The following ADGRV1 variants were observed in gnomAD, a reference collection of about 807,000 sequenced individuals.
ADGRV1 encodes the protein adhesion G protein-coupled receptor V1.
Under a neutral mutation model 596.2 loss-of-function variants are expected in ADGRV1, and 359 were observed. That is an observed-to-expected ratio of 0.60 (90% CI 0.55 to 0.66). The LOEUF is 0.66. ADGRV1 is among the 30% of genes least tolerant of loss of function. The pLI, the probability that ADGRV1 is intolerant of heterozygous loss-of-function variation, is 0.00. For missense variants in ADGRV1, 7,274 were observed against 7,575.6 expected (o/e 0.96, Z 1.48); for synonymous variants, 2,681 against 2,679.2 (o/e 1.00, Z -0.02).
chr5:90,765,234 G>A (rs1756973713), intron 59 of ADGRV1, among the ~76,000 whole-genome samples: 1 of 152,170 alleles, frequency 6.6e-6, no homozygotes, highest in Admixed American at 6.5e-5. Flanking sequence ...CCATCTGCTC[G>A]AGGCACTGGG....
rs1473162251 is a variant in ADGRV1 at position 90,692,766 on chromosome 5, T to TA, written c.7115dup (p.Asn2372LysfsTer24). 1 of 1,600,412 alleles carries TA rather than the reference T, an allele frequency of 6.2e-7. No homozygotes were observed. The highest frequency in any genetic ancestry group is 2.3e-5 in the East Asian group (1 of 44,442). ...AGCCTCTGGAAAGAAGTTCCTGTGC[T>TA]AATATAACTGTCAGGCGAAGGTATA... On this transcript the variant is annotated frameshift_variant, in exon 32 of 90. Coordinates refer to ENST00000405460, the MANE Select transcript of ADGRV1 (RefSeq NM_032119.4). LOFTEE classifies it high-confidence loss of function.
At chr5:90,946,966 A>G (rs372690934) in intron 83 of ADGRV1, among the ~76,000 whole-genome samples, 33 of 152,202 alleles carry the variant, frequency 2.2e-4, no homozygotes, top group African/African-American at 7.5e-4. Context: ...TTATATTCCT[A>G]TGGATATATA....
At chr5:90,629,713 T>C (rs943898488) in intron 9 of ADGRV1, 174 bp downstream of exon 9, 17 of 485,900 alleles carry the variant, frequency 3.5e-5, no homozygotes, top group Non-Finnish European at 5.8e-5. Flanking sequence ...CTAAGGTATA[T>C]AAGTATAAAT....
At chr5:90,622,547 T>C in intron 4 of ADGRV1, 50 bp from the exon 5 acceptor site, 2 of 806,290 alleles carry the variant, frequency 2.5e-6, no homozygotes, top group Non-Finnish European at 3.6e-6. Flanking sequence ...TACCGCCTCA[T>C]ACCTCTGATT....
At chr5:91,038,785 G>C (rs1785106934) in intron 85 of ADGRV1, among the ~76,000 whole-genome samples, 1 of 152,116 alleles carries the variant, frequency 6.6e-6, no homozygotes, top group Non-Finnish European at 1.5e-5. Flanking sequence ...TGAGCTGTAG[G>C]GAATTGAGAT....
rs1768848856 is a variant in ADGRV1, at chr5:90,872,973, G to T, written c.17856+9116G>T. On this transcript the variant is annotated intron_variant, in intron 83 of 89. Transcript: ENST00000405460. ...CTTCTGTGAAACTTTTTAATGAGTG[G>T]TCCTTACAAAATTGGTTTTTAGATT... is the stretch of plus-strand genomic sequence containing the variant. 2.6e-5 allele frequency among the ~76,000 whole-genome samples: 4 copies of T among 152,246 alleles called. No homozygotes were observed. The South Asian group carries it at 8.3e-4, about 32-fold the overall frequency.
chr5:91,059,618 C>T (rs1787218047), intron 85 of ADGRV1, among the ~76,000 whole-genome samples: 2 of 152,162 alleles, frequency 1.3e-5, no homozygotes, highest in African/African-American at 2.4e-5. Flanking sequence ...CTAATTCTTA[C>T]CACTTCAAAG....
intron 71 of ADGRV1, 21 bp from the exon 72 acceptor site, chr5:90,805,263 C>T: frequency 6.2e-7 from 1 of 1,601,208 alleles, no homozygotes; most frequent in Non-Finnish European, 8.5e-7. Flanking sequence ...ATAAAATACT[C>T]TAAGCATGAT....
At chr5:90,819,721 C>T (rs932985154) in intron 75 of ADGRV1, among the ~76,000 whole-genome samples, 46 of 151,756 alleles carry the variant, frequency 3.0e-4, no homozygotes, top group Non-Finnish European at 4.3e-4. Flanking sequence ...TGTAGTTGAG[C>T]GGTTTTGAGT....
intron 74 of ADGRV1, among the ~76,000 whole-genome samples, chr5:90,811,945 T>TTC (rs1279987938): frequency 5.0e-5 from 7 of 141,062 alleles, no homozygotes; most frequent in Admixed American, 2.4e-4. Context: ...TTTTTTTTTT[T>TTC]GGAGATGGAG....
chr5:90,614,965 T>G lies in ADGRV1; in HGVS notation c.153T>G (p.Ile51Met). ...TTAATGAAACAAGTACAACAGTTAT[T>G]CGTCTTATCATTGAAAGGATAGGAG... ...FVVNETSTTV[I>M]RLIIERIGEP... The change falls in exon 2 of 90, where the codon ATT becomes ATG. Residue 51 changes from isoleucine to methionine, a missense_variant. Ile to Met is a conservative substitution (Grantham distance 10). This residue lies in a region of ADGRV1 where 1,715 missense variants were observed against 1,708.8 expected (regional missense o/e 1.00). Coordinates refer to ENST00000405460, the MANE Select transcript of ADGRV1 (RefSeq NM_032119.4). The G allele has an allele frequency of 1.3e-6, 2 of 1,568,286 alleles. No homozygotes were observed. Among genetic ancestry groups the G allele is most frequent in the Non-Finnish European group, 1.7e-6 (2 of 1,153,826 alleles).
At chr5:90,584,265 GA>G (rs1405235018) in intron 1 of ADGRV1, among the ~76,000 whole-genome samples, 5 of 152,126 alleles carry the variant, frequency 3.3e-5, no homozygotes, top group Admixed American at 3.3e-4. Flanking sequence ...GTGCCTAAAT[GA>G]AACTTTTTTT....
intron 83 of ADGRV1, among the ~76,000 whole-genome samples, chr5:90,901,366 G>A (rs972075739): frequency 6.6e-6 from 1 of 152,154 alleles, no homozygotes; most frequent in Non-Finnish European, 1.5e-5. Context: ...TGAGATATGA[G>A]TATAATCAAG....
rs1017032281 is a variant in ADGRV1 at position 90,815,753 on chromosome 5, T to C, written c.16196+17T>C. On this transcript the variant is annotated intron_variant, in intron 75 of 89. Coordinates refer to ENST00000405460, the MANE Select transcript of ADGRV1 (RefSeq NM_032119.4). The stretch of plus-strand genomic sequence containing the variant: ...GCCAAACAGGTATGTGTATATATAG[T>C]ATATGGAAGACGTAACATTCTGTGT... The C allele has an allele frequency of 8.1e-6, 10 of 1,234,282 alleles. No homozygotes were observed. The highest frequency in any genetic ancestry group is 8.2e-6 in the Non-Finnish European group (7 of 856,484). 76.5% of individuals were successfully genotyped at this position (1,234,282 alleles called of 1,614,324 possible). A position where few individuals can be genotyped will look rare whatever the true frequency, so the allele number is the denominator to read the frequency against.
At chr5:90,863,082 G>C (rs147350377) in intron 82 of ADGRV1, among the ~76,000 whole-genome samples, 4 of 152,144 alleles carry the variant, frequency 2.6e-5, no homozygotes, top group Non-Finnish European at 5.9e-5. Flanking sequence ...TGGGGTAAAA[G>C]CTTAAGTGAA....
chr5:90,711,018 C>T lies in ADGRV1; in HGVS notation c.8862C>T (p.Ala2954=), dbSNP rs1404865170. The change falls in exon 40 of 90, where the codon GCC becomes GCT. Residue 2954 remains alanine, a synonymous_variant. Transcript: ENST00000405460. ...TGACTGCACAAGTTATTATTGATGCCAATGATGGGGCCCGAGGTGTAATTG... is the reference window on the plus strand; with the variant it reads ...TGACTGCACAAGTTATTATTGATGCTAATGATGGGGCCCGAGGTGTAATTG... ...EGLTAQVIID[A]NDGARGVIEW... is the part of the protein sequence containing the mutation. 2 of 1,610,930 alleles carry T rather than the reference C, an allele frequency of 1.2e-6. No homozygotes were observed. Among genetic ancestry groups the T allele is most frequent in the Non-Finnish European group, 1.7e-6 (2 of 1,178,288 alleles).
chr5:90,950,997 T>G (rs1337926620), intron 83 of ADGRV1, among the ~76,000 whole-genome samples: 1 of 152,232 alleles, frequency 6.6e-6, no homozygotes. Context: ...CATTCTCATT[T>G]TGCAGAGCAA....
chr5:91,079,023 T>C (rs886634421), intron 86 of ADGRV1, among the ~76,000 whole-genome samples: 1 of 152,176 alleles, frequency 6.6e-6, no homozygotes, highest in Admixed American at 6.5e-5. Flanking sequence ...GAAAACATGA[T>C]ATGATTTTTT....
intron 85 of ADGRV1, among the ~76,000 whole-genome samples, chr5:90,999,566 C>T (rs1781697237): frequency 6.6e-6 from 1 of 151,938 alleles, no homozygotes; most frequent in South Asian, 2.1e-4. Flanking sequence ...TTGCGGGTGG[C>T]AGAGTTGTAA....
Sources: gnomAD v4.1 joint callset for allele counts (sites outside exome capture counted in the v4.1 genomes callset) on GRCh38, gnomAD v4.1.1 for gene constraint, gnomAD v4.1.1 regional missense constraint, MANE v1.5 for transcripts, NCBI Gene and HGNC (gene_info 2026-07-23, HGNC 2026-07-21) for gene names.